TAFA5: variants seen among roughly 807,000 people sequenced by gnomAD.
TAFA5 encodes TAFA chemokine like family member 5.
TAFA5 carries 6 observed loss-of-function variants against 15.3 expected under a neutral mutation model. That is an observed-to-expected ratio of 0.39 (90% CI 0.21 to 0.77). The LOEUF is 0.77. TAFA5 is among the 30% of genes least tolerant of loss of function. The pLI is 0.41. For missense variants in TAFA5, 161 were observed against 193.1 expected (o/e 0.83, Z 0.98); for synonymous variants, 103 against 80.7 (o/e 1.28, Z -1.48).
intron 1 of TAFA5, among the ~76,000 whole-genome samples, chr22:48,549,097 T>C (rs1922775459): frequency 6.6e-6 from 1 of 152,186 alleles, no homozygotes; most frequent in African/African-American, 2.4e-5. Context: ...TGAGTAGAAA[T>C]AGGAAGAGTA....
intron 1 of TAFA5, among the ~76,000 whole-genome samples, chr22:48,595,987 G>A (rs970838099): frequency 2.0e-5 from 3 of 152,232 alleles, no homozygotes; most frequent in Non-Finnish European, 4.4e-5. Flanking sequence ...GGAGGAATTA[G>A]TGGTATTACT....
chr22:48,749,951 C>T lies in TAFA5; in HGVS notation c.*104C>T, dbSNP rs867132009. On this transcript the variant is annotated 3_prime_UTR_variant, in exon 4 of 4. Transcript: ENST00000402357. The stretch of plus-strand genomic sequence containing the variant: ...GCCTCGGACTTCACCCGTTCTCTGC[C>T]GCCCGCCCACTCCGTTTCCCTGTGG... 1.4e-5 allele frequency: 15 copies of T among 1,107,568 alleles called. No homozygotes were observed. The highest frequency in any genetic ancestry group is 1.7e-5 in the Non-Finnish European group (13 of 754,366). 68.6% of individuals were successfully genotyped at this position (1,107,568 alleles called of 1,614,324 possible).
intron 2 of TAFA5, among the ~76,000 whole-genome samples, chr22:48,695,972 C>G (rs888757453): frequency 1.3e-5 from 2 of 152,160 alleles, no homozygotes; most frequent in South Asian, 4.1e-4. Context: ...GGTCAGCACT[C>G]GAGAGCATAT....
intron 3 of TAFA5, among the ~76,000 whole-genome samples, chr22:48,710,008 G>C (rs1929202696): frequency 1.3e-5 from 2 of 152,194 alleles, no homozygotes; most frequent in African/African-American, 4.8e-5. Flanking sequence ...CAGCTCAGTG[G>C]CATTGGGCAC....
At chr22:48,495,515 A>C (rs1928294228) in intron 1 of TAFA5, among the ~76,000 whole-genome samples, 1 of 152,038 alleles carries the variant, frequency 6.6e-6, no homozygotes, top group Admixed American at 6.5e-5. Flanking sequence ...GAGGCAGCCC[A>C]AGATCTAGCT....
At chr22:48,504,126 A>C (rs1263807645) in intron 1 of TAFA5, among the ~76,000 whole-genome samples, 1 of 152,200 alleles carries the variant, frequency 6.6e-6, no homozygotes, top group African/African-American at 2.4e-5. Flanking sequence ...ATTTGGCTCC[A>C]CCGAGCTTTA....
intron 1 of TAFA5, among the ~76,000 whole-genome samples, chr22:48,501,453 CG>C (rs1309393192): frequency 6.6e-6 from 1 of 152,206 alleles, no homozygotes; most frequent in Non-Finnish European, 1.5e-5. Context: ...GGCGTGAACT[CG>C]GGTGACGGCC....
chr22:48,639,386 A>G (rs550722979), intron 1 of TAFA5, among the ~76,000 whole-genome samples: 18 of 152,320 alleles, frequency 1.2e-4, no homozygotes, highest in Admixed American at 3.9e-4. Context: ...TGCCTGTCAA[A>G]GTCATTTTGG....
chr22:48,638,600 T>C (rs1293196485), intron 1 of TAFA5, among the ~76,000 whole-genome samples: 36 of 76,550 alleles, frequency 4.7e-4, no homozygotes, highest in Admixed American at 1.3e-3. Context: ...ACACAGGCAA[T>C]ACCCCTCCCC....
intron 1 of TAFA5, among the ~76,000 whole-genome samples, chr22:48,613,415 C>T (rs901964068): frequency 1.3e-5 from 2 of 152,158 alleles, no homozygotes; most frequent in South Asian, 2.1e-4. Flanking sequence ...GATGCCCCTG[C>T]GGGCCCTGCC....
intron 1 of TAFA5, among the ~76,000 whole-genome samples, chr22:48,536,688 T>TCCCTGTG (rs1326678720): frequency 6.6e-6 from 1 of 152,264 alleles, no homozygotes; most frequent in Non-Finnish European, 1.5e-5. Context: ...GGCTTCCGGC[T>TCCCTGTG]CCCTGTGCCC....
At chr22:48,747,436 A>ATTCG (rs1035332380) in intron 3 of TAFA5, among the ~76,000 whole-genome samples, 1 of 152,094 alleles carries the variant, frequency 6.6e-6, no homozygotes, top group Non-Finnish European at 1.5e-5. Context: ...CATGGCTGGG[A>ATTCG]TTCGGTATGT....
intron 3 of TAFA5, among the ~76,000 whole-genome samples, chr22:48,715,278 G>C (rs1929368652): frequency 6.6e-6 from 1 of 152,240 alleles, no homozygotes; most frequent in African/African-American, 2.4e-5. Context: ...ATGGTGGAAA[G>C]CAAAGGTCAC....
At chr22:48,690,679 T>C (rs1441991889) in intron 2 of TAFA5, among the ~76,000 whole-genome samples, 1 of 152,212 alleles carries the variant, frequency 6.6e-6, no homozygotes, top group African/African-American at 2.4e-5. Context: ...CTCTCTGTAG[T>C]GTAGCATCTT....
intron 1 of TAFA5, among the ~76,000 whole-genome samples, chr22:48,610,192 C>T (rs973220770): frequency 2.6e-5 from 4 of 152,128 alleles, no homozygotes; most frequent in East Asian, 3.9e-4. Context: ...CCGTGGCCCC[C>T]GAGAAGGGCC....
chr22:48,684,416 C>T (rs1451109877), intron 2 of TAFA5, among the ~76,000 whole-genome samples: 1 of 152,104 alleles, frequency 6.6e-6, no homozygotes, highest in African/African-American at 2.4e-5. Flanking sequence ...TCAGAACTCC[C>T]AGCAGCTGTC....
At position 48,602,956 on chromosome 22, in the gene TAFA5, G is replaced by A. The variant is rs991480048; in HGVS notation, c.113-43641G>A. ...GCCGAGAGGCCCAGACAGGGACCCC[G>A]CATCCCCTGCTCTACCAATGCCTCC... On this transcript the variant is annotated intron_variant, in intron 1 of 3. Coordinates refer to ENST00000402357, the MANE Select transcript of TAFA5 (RefSeq NM_001082967.3). Among the ~76,000 whole-genome samples the A allele has an allele frequency of 8.5e-5, 13 of 152,282 alleles. 1 individual carries two copies. The highest frequency in any genetic ancestry group is 3.3e-4 in the Admixed American group (5 of 15,306).
At chr22:48,590,369 T>C (rs1260481504) in intron 1 of TAFA5, among the ~76,000 whole-genome samples, 1 of 152,266 alleles carries the variant, frequency 6.6e-6, no homozygotes, top group African/African-American at 2.4e-5. Context: ...GCATTTGTTA[T>C]TTTAATAGCT....
intron 1 of TAFA5, among the ~76,000 whole-genome samples, chr22:48,556,217 A>G (rs1923032857): frequency 6.6e-6 from 1 of 152,088 alleles, no homozygotes; most frequent in Non-Finnish European, 1.5e-5. Context: ...CTGTGAGAAG[A>G]GGCGGGTCCC....
Sources: allele counts gnomAD v4.1 joint callset (sites outside exome capture counted in the v4.1 genomes callset), GRCh38; gene constraint gnomAD v4.1.1; transcripts MANE v1.5; gene names NCBI Gene and HGNC (gene_info 2026-07-23, HGNC 2026-07-21).